AGMO: variants seen among roughly 807,000 people sequenced by gnomAD.
AGMO encodes glyceryl-ether monooxygenase.
In AGMO, 75 loss-of-function variants were observed where a neutral mutation model predicts 60.2. The ratio of observed to expected loss-of-function variants is 1.25; its 90% confidence interval spans 1.03 to 1.51. AGMO has a LOEUF of 1.51. AGMO is among the 40% of genes most tolerant of loss of function. The pLI, the probability that AGMO is intolerant of heterozygous loss-of-function variation, is 0.00. For missense variants in AGMO, 763 were observed against 525.5 expected, an observed-to-expected ratio of 1.45 and a Z score of -4.42; for synonymous variants, 261 against 177.1, an observed-to-expected ratio of 1.47 and a Z score of -3.76.
chr7:15,553,090 A>G (rs1477966113), intron 2 of AGMO, among the ~76,000 whole-genome samples: 1 of 149,874 alleles, frequency 6.7e-6, no homozygotes, highest in Non-Finnish European at 1.5e-5. Context: ...CAAACACCGC[A>G]TATTCTCACT....
chr7:15,437,730 C>T (rs1486688213), intron 3 of AGMO, among the ~76,000 whole-genome samples: 2 of 151,962 alleles, frequency 1.3e-5, no homozygotes, highest in South Asian at 4.1e-4. Flanking sequence ...TTAGTAGAGA[C>T]GGGGTTTCAC....
chr7:15,492,542 G>C (rs1006130263), intron 3 of AGMO, among the ~76,000 whole-genome samples: 4 of 151,974 alleles, frequency 2.6e-5, no homozygotes, highest in South Asian at 4.2e-4. Context: ...ACACTCAAGA[G>C]TACTCCTTTC....
At chr7:15,367,682 T>C (rs1783039577) in intron 10 of AGMO, among the ~76,000 whole-genome samples, 1 of 152,044 alleles carries the variant, frequency 6.6e-6, no homozygotes, top group East Asian at 1.9e-4. Flanking sequence ...CGACTTCAGA[T>C]TAAAAGTGGA....
intron 12 of AGMO, among the ~76,000 whole-genome samples, chr7:15,327,748 T>C (rs966695509): frequency 1.3e-4 from 18 of 135,920 alleles, no homozygotes; most frequent in East Asian, 8.6e-4. Flanking sequence ...TTCTTTTTTT[T>C]TTTTTTTTTT....
intron 12 of AGMO, among the ~76,000 whole-genome samples, chr7:15,301,280 A>G (rs1784552867): frequency 6.6e-6 from 1 of 152,080 alleles, no homozygotes; most frequent in African/African-American, 2.4e-5. Context: ...CTCTACTAAA[A>G]ATACAAAAAT....
chr7:15,334,698 A>G (rs954646936), intron 12 of AGMO, among the ~76,000 whole-genome samples: 6 of 152,208 alleles, frequency 3.9e-5, no homozygotes, highest in East Asian at 3.8e-4. Context: ...AAGCCTTACT[A>G]TAATTGCTAA....
Position 15,207,383 on chromosome 7 carries a change from A to G in AGMO, c.1264-6024T>C, listed in dbSNP as rs889094308. Among the ~76,000 whole-genome samples the G allele has an allele frequency of 7.9e-5, 12 of 152,216 alleles. 1 individual carries two copies. Among genetic ancestry groups the G allele is most frequent in the Admixed American group, 7.2e-4 (11 of 15,280 alleles). The stretch of plus-strand genomic sequence containing the variant: ...TTAAAAGATGGCCCTAAAAATTCCA[A>G]TATTACCAACCCTTGTTCTAAGAGA... On this transcript the variant is annotated intron_variant, in intron 12 of 12. Coordinates refer to ENST00000342526, the MANE Select transcript of AGMO (RefSeq NM_001004320.2).
chr7:15,201,295 G>T lies in AGMO; in HGVS notation c.1328C>A (p.Pro443His). The part of the protein sequence containing the change: ...VRSMKQLTSH[P>H]WK Reference sequence around the variant, plus strand: ...ATGTACAAATTCAGGTTATTTCCAAGGGTGAGAGGTGAGTTGTTTCATGCT... The same window carrying T: ...ATGTACAAATTCAGGTTATTTCCAATGGTGAGAGGTGAGTTGTTTCATGCT... The change falls in exon 13 of 13, where the codon CCT (proline) becomes CAT (histidine). Residue 443 changes from proline to histidine, a missense_variant. Coordinates refer to ENST00000342526, the MANE Select transcript of AGMO (RefSeq NM_001004320.2). 1 of 1,609,838 alleles carries T rather than the reference G, an allele frequency of 6.2e-7. No homozygotes were observed. The highest frequency in any genetic ancestry group is 1.1e-5 in the South Asian group (1 of 90,102).
chr7:15,202,444 A>G (rs1460952845), intron 12 of AGMO, among the ~76,000 whole-genome samples: 2 of 143,460 alleles, frequency 1.4e-5, no homozygotes, highest in African/African-American at 2.6e-5. Flanking sequence ...ACCAACAACC[A>G]AAATACAAAT....
intron 3 of AGMO, among the ~76,000 whole-genome samples, chr7:15,468,449 G>T (rs937881645): frequency 1.3e-5 from 2 of 151,926 alleles, no homozygotes; most frequent in Non-Finnish European, 2.9e-5. Flanking sequence ...CATATCAATT[G>T]TATAATTATA....
intron 3 of AGMO, among the ~76,000 whole-genome samples, chr7:15,538,914 G>A (rs1327500310): frequency 3.9e-5 from 6 of 152,078 alleles, no homozygotes; most frequent in Non-Finnish European, 7.4e-5. Flanking sequence ...TACAGAATGA[G>A]AGGAATTTTA....
intron 12 of AGMO, among the ~76,000 whole-genome samples, chr7:15,226,573 T>TA (rs765446507): frequency 1.3e-5 from 2 of 151,998 alleles, no homozygotes; most frequent in Non-Finnish European, 2.9e-5. Context: ...AGAGTAGAAA[T>TA]ATGGGGTTAG....
rs1323622507 is a variant in AGMO at position 15,327,166 on chromosome 7, G to A, written c.1263+38348C>T. 4.6e-5 allele frequency among the ~76,000 whole-genome samples: 7 copies of A among 152,208 alleles called. 1 individual carries two copies. The South Asian group carries it at 1.5e-3, about 32-fold the overall frequency. ...TTCCCAGAACAGGCATCATAACCTG[G>A]CTCGGTTTTCAACTTGCTGTTCTTT... On this transcript the variant is annotated intron_variant, in intron 12 of 12. Coordinates refer to ENST00000342526, the MANE Select transcript of AGMO (RefSeq NM_001004320.2).
At chr7:15,348,513 C>G (rs1274226263) in intron 12 of AGMO, among the ~76,000 whole-genome samples, 4 of 152,008 alleles carry the variant, frequency 2.6e-5, no homozygotes, top group Non-Finnish European at 5.9e-5. Context: ...AATTAAATGC[C>G]TTGGAATATC....
intron 2 of AGMO, among the ~76,000 whole-genome samples, chr7:15,558,537 C>T (rs190885100): frequency 1.3e-5 from 2 of 152,010 alleles, no homozygotes; most frequent in African/African-American, 4.8e-5. Context: ...TTAAAGGGGA[C>T]AAGTATTATA....
chr7:15,225,245 A>G (rs1259076010), intron 12 of AGMO, among the ~76,000 whole-genome samples: 4 of 151,972 alleles, frequency 2.6e-5, no homozygotes, highest in Non-Finnish European at 5.9e-5. Flanking sequence ...AATGCTCACA[A>G]CTTTTATCCG....
chr7:15,355,106 G>A (rs1035295334), intron 12 of AGMO, among the ~76,000 whole-genome samples: 4 of 152,134 alleles, frequency 2.6e-5, no homozygotes, highest in East Asian at 3.9e-4. Context: ...ATGATGTAGG[G>A]TGAATTTGGG....
intron 12 of AGMO, among the ~76,000 whole-genome samples, chr7:15,299,830 T>TACACACAC (rs756832586): frequency 4.6e-3 from 222 of 48,148 alleles, no homozygotes; most frequent in African/African-American, 0.017. Flanking sequence ...TCTGTCTACA[T>TACACACAC]ACACACACAC....
At chr7:15,354,524 A>G (rs1364253784) in intron 12 of AGMO, among the ~76,000 whole-genome samples, 1 of 109,252 alleles carries the variant, frequency 9.2e-6, no homozygotes, top group African/African-American at 3.1e-5. Flanking sequence ...ATATATATAT[A>G]TATATATATA....
Sources: gnomAD v4.1 joint callset for allele counts (sites outside exome capture counted in the v4.1 genomes callset) on GRCh38, gnomAD v4.1.1 for gene constraint, MANE v1.5 for transcripts, NCBI Gene and HGNC (gene_info 2026-07-23, HGNC 2026-07-21) for gene names.